CACNG7: variants seen among roughly 807,000 people sequenced by gnomAD.
The protein encoded by CACNG7 is calcium voltage-gated channel auxiliary subunit gamma 7, also known as voltage-dependent calcium channel gamma-7 subunit.
CACNG7 carries 9 observed loss-of-function variants against 26.3 expected under a neutral mutation model. That is an observed-to-expected ratio of 0.34 (90% CI 0.21 to 0.60). CACNG7 has a LOEUF of 0.60. Ranked by LOEUF, CACNG7 falls within the 20% of genes least tolerant of loss-of-function variation. The pLI is 0.81. For synonymous variants in CACNG7, 170 were observed against 157.0 expected (o/e 1.08, Z -0.62); for missense variants, 297 against 380.4 (o/e 0.78, Z 1.82).
At chr19:53,920,142 G>A (rs1374274956) in intron 4 of CACNG7, among the ~76,000 whole-genome samples, 1 of 104,460 alleles carries the variant, frequency 9.6e-6, no homozygotes, top group East Asian at 3.0e-4. Context: ...ACTTGCCCCA[G>A]GTCTGGTCAT....
chr19:53,940,146 C>T lies in CACNG7; in HGVS notation c.425-1324C>T, dbSNP rs1402504463. ...TATAGCCTCCTTAAGCCACTCTTGG[C>T]ATGGTTACTGTTTAGAGGAAATTTC... is the stretch of plus-strand genomic sequence containing the variant. On this transcript the variant is annotated intron_variant, in intron 4 of 5. Coordinates refer to ENST00000391767, the MANE Select transcript of CACNG7 (RefSeq NM_031896.5). This position sits in a 1 kb window ranked among gnomAD's most constrained non-coding sequence, Gnocchi z 4.1. Among the ~76,000 whole-genome samples the T allele has an allele frequency of 2.0e-5, 3 of 152,136 alleles. No homozygotes were observed. The highest frequency in any genetic ancestry group is 7.2e-5 in the African/African-American group (3 of 41,432).
In CACNG7 at chr19:53,922,433, T is replaced by C. The variant is rs575729065; in HGVS notation, c.424+6928T>C. Among the ~76,000 whole-genome samples the C allele has an allele frequency of 5.3e-3, 631 of 118,500 alleles. 9 individuals carry two copies. Among genetic ancestry groups the C allele is most frequent in the South Asian group, 0.026 (71 of 2,714 alleles). 77.7% of individuals were successfully genotyped at this position (118,500 alleles called of 152,430 possible). A position where few individuals can be genotyped will look rare whatever the true frequency, so the allele number is the denominator to read the frequency against. Reference sequence around the variant, plus strand: ...ATTGGTGGAGTTGTCCCAGGTCTGGTCATTGGTGGAGTTGTCCCAGGCTGG... The same window carrying C: ...ATTGGTGGAGTTGTCCCAGGTCTGGCCATTGGTGGAGTTGTCCCAGGCTGG... On this transcript the variant is annotated intron_variant, in intron 4 of 5. Transcript: ENST00000391767.
intron 4 of CACNG7, among the ~76,000 whole-genome samples, chr19:53,920,892 T>C (rs1471601561): frequency 3.0e-5 from 3 of 99,330 alleles, no homozygotes; most frequent in African/African-American, 9.2e-5. Context: ...TTGTCCCAGG[T>C]CTGGTCATTG....
At position 53,927,414 on chromosome 19, in the gene CACNG7, C is replaced by A. The variant is rs150799708; in HGVS notation, c.424+11909C>A. The stretch of plus-strand genomic sequence containing the variant: ...GTGCTCTGGAGAGGGTGAGAGAGAC[C>A]AGGGAGGGCTCCCAGGAAAAGGTGA... On this transcript the variant is annotated intron_variant, in intron 4 of 5. Coordinates refer to ENST00000391767, the MANE Select transcript of CACNG7 (RefSeq NM_031896.5). Among the ~76,000 whole-genome samples, 11 of 152,128 alleles carry A rather than the reference C, an allele frequency of 7.2e-5. No homozygotes were observed. The East Asian group carries it at 2.1e-3, about 29-fold the overall frequency.
chr19:53,942,346 G>T lies in CACNG7; in HGVS notation c.*53G>T. The T allele has an allele frequency of 6.5e-7, 1 of 1,538,938 alleles. No individual in the cohort carries two copies. The highest frequency in any genetic ancestry group is 1.2e-5 in the South Asian group (1 of 82,702). On this transcript the variant is annotated 3_prime_UTR_variant, in exon 6 of 6. Coordinates refer to ENST00000391767, the MANE Select transcript of CACNG7 (RefSeq NM_031896.5). This position sits in a 1 kb window ranked among gnomAD's most constrained non-coding sequence, Gnocchi z 5.9. ...TCCTCCTCCTCCTCGTCTTAGGGGG[G>T]TCTCCCTGCAATGCAGCGCCCCCTT... is the stretch of plus-strand genomic sequence containing the variant.
At chr19:53,920,804 G>A (rs1433280985) in intron 4 of CACNG7, among the ~76,000 whole-genome samples, 2 of 92,240 alleles carry the variant, frequency 2.2e-5, no homozygotes, top group African/African-American at 1.3e-4. Flanking sequence ...TGGTGGACTT[G>A]CCCCAGGCTG....
At chr19:53,930,659 C>T (rs1457286948) in intron 4 of CACNG7, among the ~76,000 whole-genome samples, 2 of 152,090 alleles carry the variant, frequency 1.3e-5, no homozygotes, top group African/African-American at 4.8e-5. Context: ...AGGCCTGAGC[C>T]ACCGCACTGG....
intron 4 of CACNG7, among the ~76,000 whole-genome samples, chr19:53,922,718 C>T (rs2068972367): frequency 2.8e-5 from 2 of 70,226 alleles, no homozygotes; most frequent in East Asian, 3.5e-4. Flanking sequence ...TGGAGTTGCC[C>T]CAGGTCTGGT....
chr19:53,925,872 G>A (rs916613711), intron 4 of CACNG7, among the ~76,000 whole-genome samples: 4 of 152,174 alleles, frequency 2.6e-5, no homozygotes, highest in Non-Finnish European at 5.9e-5. Context: ...GGATATTGAT[G>A]GAAGAATCAA....
rs1011207913 is a variant in CACNG7, at chr19:53,914,436, AC to A, written c.197-59del. ...TCTCCCCTCTATCTGTCCTGCCCCCACCCCCAGCCTCTCTAGAGCTTAGGAG... is the reference window on the plus strand; with the variant it reads ...TCTCCCCTCTATCTGTCCTGCCCCCACCCCAGCCTCTCTAGAGCTTAGGAG... On this transcript the variant is annotated intron_variant, in intron 2 of 5. Transcript: ENST00000391767. The A allele has an allele frequency of 2.8e-6, 4 of 1,415,532 alleles. No individual in the cohort carries two copies. In the African/African-American group the frequency reaches 4.3e-5, roughly 15 times the overall value. The allele number at this position is 1,415,532 out of a possible 1,614,324, so 87.7% of individuals were successfully genotyped here.
intron 4 of CACNG7, among the ~76,000 whole-genome samples, chr19:53,921,770 C>T (rs1599977484): frequency 9.4e-6 from 1 of 106,858 alleles, no homozygotes; most frequent in Non-Finnish European, 1.8e-5. Context: ...TGGAGTTGTC[C>T]CAGGTCTGGT....
At chr19:53,937,313 G>C (rs528647229) in intron 4 of CACNG7, among the ~76,000 whole-genome samples, 68 of 152,184 alleles carry the variant, frequency 4.5e-4, no homozygotes, top group Non-Finnish European at 8.7e-4. Context: ...TTAAAGGACA[G>C]ATCCGTGTGT....
At chr19:53,922,811 T>G (rs2068973686) in intron 4 of CACNG7, among the ~76,000 whole-genome samples, 1 of 60,510 alleles carries the variant, frequency 1.7e-5, no homozygotes. Context: ...GGTCTGGTCA[T>G]TGGTGGAGTT....
chr19:53,938,750 C>T (rs925294573), intron 4 of CACNG7, among the ~76,000 whole-genome samples: 2 of 152,136 alleles, frequency 1.3e-5, no homozygotes, highest in Non-Finnish European at 2.9e-5. Flanking sequence ...AGTTCGAGAC[C>T]AGCCTGGGCA....
At chr19:53,931,918 C>A (rs1293924437) in intron 4 of CACNG7, among the ~76,000 whole-genome samples, 2 of 150,764 alleles carry the variant, frequency 1.3e-5, no homozygotes, top group African/African-American at 2.4e-5. Context: ...GCCACCACCA[C>A]GCCCGGCTAA....
rs2069137804 is a variant in CACNG7 at position 53,941,600 on chromosome 19, C to G, written c.555C>G (p.Ser185=). The G allele has an allele frequency of 6.2e-7, 1 of 1,611,946 alleles. No individual in the cohort carries two copies. Among genetic ancestry groups the G allele is most frequent in the Admixed American group, 1.7e-5 (1 of 59,500 alleles). The part of the protein sequence containing the change: ...YGWSFAFAAS[S]FLLKEGAGVM... ...GGTCTTTTGCCTTCGCCGCTTCCTC[C>G]TTCCTACTCAAAGAGGTGACGTCCG... Residue 185 remains serine (S), a synonymous_variant, in exon 5 of 6, where the codon TCC becomes TCG. Coordinates refer to ENST00000391767, the MANE Select transcript of CACNG7 (RefSeq NM_031896.5).
Position 53,912,763 on chromosome 19 carries a change from C to G in CACNG7, c.-29-40C>G. 1 of 1,523,652 alleles carries G rather than the reference C, an allele frequency of 6.6e-7. No homozygotes were observed. The allele number at this position is 1,523,652 out of a possible 1,614,324, so 94.4% of individuals were successfully genotyped here. A position where few individuals can be genotyped will look rare whatever the true frequency, so the allele number is the denominator to read the frequency against. ...GCTGCATGGGGTCAAGCACTCTGGT[C>G]GGTCCCATGGAGCTCTGCACTGTAG... is the stretch of plus-strand genomic sequence containing the variant. On this transcript the variant is annotated intron_variant, in intron 1 of 5. Transcript: ENST00000391767. This position sits in a 1 kb window ranked among gnomAD's most constrained non-coding sequence, Gnocchi z 4.6.
At chr19:53,921,830 T>C (rs1234213783) in intron 4 of CACNG7, among the ~76,000 whole-genome samples, 14 of 83,432 alleles carry the variant, frequency 1.7e-4, no homozygotes, top group African/African-American at 3.5e-4. Flanking sequence ...TTGCCCCAGG[T>C]CTGGTCATTG....
intron 1 of CACNG7, among the ~76,000 whole-genome samples, chr19:53,911,241 T>C (rs916663316): frequency 1.3e-5 from 2 of 152,132 alleles, no homozygotes; most frequent in East Asian, 3.9e-4. Context: ...AATTTTTGTA[T>C]TTTTAGCAGA....
Sources: gnomAD v4.1 joint callset for allele counts (sites outside exome capture counted in the v4.1 genomes callset) on GRCh38, gnomAD v4.1.1 for gene constraint, Gnocchi (gnomAD v3.1) non-coding constraint, MANE v1.5 for transcripts, NCBI Gene and HGNC (gene_info 2026-07-23, HGNC 2026-07-21) for gene names.